SAMD12: variants seen among roughly 807,000 people sequenced by gnomAD.
SAMD12 encodes the protein sterile alpha motif domain containing 12.
Under a neutral mutation model 15.0 loss-of-function variants are expected in SAMD12, and 9 were observed. The observed-to-expected ratio is 0.60, with a 90% CI of 0.36 to 1.05. The LOEUF is 1.05. Ranked by LOEUF, SAMD12 falls within the 50% of genes least tolerant of loss-of-function variation. The pLI, the probability that SAMD12 is intolerant of heterozygous loss-of-function variation, is 0.01. For missense variants in SAMD12, 230 were observed against 234.2 expected, an observed-to-expected ratio of 0.98 and a Z score of 0.12; for synonymous variants, 86 against 90.1, an observed-to-expected ratio of 0.96 and a Z score of 0.25.
intron 4 of SAMD12, among the ~76,000 whole-genome samples, chr8:118,357,921 G>A (rs1038536582): frequency 2.0e-5 from 3 of 152,124 alleles, no homozygotes; most frequent in African/African-American, 7.2e-5. Context: ...CAAGGTGGGA[G>A]GATCCCTTAA....
intron 1 of SAMD12, among the ~76,000 whole-genome samples, chr8:118,607,122 A>G (rs1345997195): frequency 1.3e-5 from 2 of 152,188 alleles, no homozygotes; most frequent in Non-Finnish European, 2.9e-5. Context: ...CCTACCTGGA[A>G]TTAGTTATTG....
At chr8:118,600,796 TA>T (rs1338382838) in intron 1 of SAMD12, among the ~76,000 whole-genome samples, 1 of 152,140 alleles carries the variant, frequency 6.6e-6, no homozygotes, top group Non-Finnish European at 1.5e-5. Flanking sequence ...CTTTTTTTTT[TA>T]GATCTGATTT....
the SAMD12 span, among the ~76,000 whole-genome samples, chr8:118,139,597 A>G: frequency 2.0e-5 from 3 of 152,220 alleles, no homozygotes; most frequent in East Asian, 5.8e-4. Flanking sequence ...GCCTCAAGTG[A>G]TCTTCCTGAC....
chr8:118,556,297 T>A (rs780434279), intron 2 of SAMD12, among the ~76,000 whole-genome samples: 2 of 152,248 alleles, frequency 1.3e-5, no homozygotes, highest in Non-Finnish European at 2.9e-5. Flanking sequence ...ATTCTAGAAC[T>A]GAAAATGCCA....
intron 2 of SAMD12, among the ~76,000 whole-genome samples, chr8:118,519,089 A>G (rs1825321952): frequency 6.6e-6 from 1 of 152,194 alleles, no homozygotes; most frequent in Non-Finnish European, 1.5e-5. Flanking sequence ...GAGCAGCCTG[A>G]TTTATACTGA....
chr8:118,224,681 T>C (rs980836995), intron 4 of SAMD12, among the ~76,000 whole-genome samples: 6 of 152,204 alleles, frequency 3.9e-5, no homozygotes, highest in African/African-American at 1.4e-4. Context: ...AAATTTTATA[T>C]GTTCCAAGAA....
chr8:118,474,600 TGG>T (rs1823902848), intron 2 of SAMD12, among the ~76,000 whole-genome samples: 1 of 152,022 alleles, frequency 6.6e-6, no homozygotes, highest in African/African-American at 2.4e-5. Context: ...TTGGTCAGGC[TGG>T]TCTTGGACTC....
intron 1 of SAMD12, among the ~76,000 whole-genome samples, chr8:118,611,114 C>T (rs1426769474): frequency 6.6e-6 from 1 of 152,148 alleles, no homozygotes; most frequent in Non-Finnish European, 1.5e-5. Flanking sequence ...CCTAAGCTTA[C>T]CCACCCTATT....
chr8:118,550,924 G>A (rs908171179), intron 2 of SAMD12, among the ~76,000 whole-genome samples: 1 of 150,290 alleles, frequency 6.7e-6, no homozygotes, highest in African/African-American at 2.5e-5. Context: ...GATCAAAAGA[G>A]ACAAAGAAGG....
At chr8:118,399,318 A>G (rs1820754475) in intron 3 of SAMD12, among the ~76,000 whole-genome samples, 1 of 152,122 alleles carries the variant, frequency 6.6e-6, no homozygotes, top group Admixed American at 6.6e-5. Flanking sequence ...ATTCCCAGCA[A>G]TAATTAGTTC....
chr8:118,235,285 A>T (rs996554432), intron 4 of SAMD12, among the ~76,000 whole-genome samples: 4 of 151,420 alleles, frequency 2.6e-5, no homozygotes. Flanking sequence ...ATCTCAGCTC[A>T]CTGCAACTTC....
At chr8:118,264,284 G>T (rs756121775) in intron 4 of SAMD12, among the ~76,000 whole-genome samples, 2 of 152,012 alleles carry the variant, frequency 1.3e-5, no homozygotes, top group African/African-American at 4.8e-5. Context: ...CCCACTAAAG[G>T]ATATTCTCAA....
intron 4 of SAMD12, among the ~76,000 whole-genome samples, chr8:118,211,342 C>T (rs577800430): frequency 1.3e-5 from 2 of 152,360 alleles, no homozygotes; most frequent in East Asian, 3.9e-4. Flanking sequence ...CAAGCCTCTC[C>T]TCTCCTCTTT....
In SAMD12 at chr8:118,529,186, C is replaced by T. The variant is rs138878748; in HGVS notation, c.192+51529G>A. ...ACTATACCAGGAGTTCAAGTTTTTGCTTCCCTCTTAATCTGTTTCATTTAC... is the reference window on the plus strand; with the variant it reads ...ACTATACCAGGAGTTCAAGTTTTTGTTTCCCTCTTAATCTGTTTCATTTAC... On this transcript the variant is annotated intron_variant, in intron 2 of 3. Coordinates refer to ENST00000314727, the MANE Select transcript of SAMD12 (RefSeq NM_207506.3). Among the ~76,000 whole-genome samples, 450 of 152,232 alleles carry T rather than the reference C, an allele frequency of 3.0e-3. 3 individuals are homozygous for T. The highest frequency in any genetic ancestry group is 0.01 in the African/African-American group (428 of 41,542).
intron 2 of SAMD12, among the ~76,000 whole-genome samples, chr8:118,551,504 A>T (rs969682137): frequency 1.1e-4 from 16 of 152,094 alleles, no homozygotes; most frequent in Non-Finnish European, 2.1e-4. Context: ...ACATACCAGA[A>T]TCTCTGGGAC....
intron 4 of SAMD12, among the ~76,000 whole-genome samples, chr8:118,307,221 A>G (rs1446787252): frequency 6.6e-6 from 1 of 152,178 alleles, no homozygotes; most frequent in Non-Finnish European, 1.5e-5. Context: ...AATCTCACCT[A>G]TACTTTATTC....
chr8:118,441,459 T>TC (rs1822761195), intron 2 of SAMD12, among the ~76,000 whole-genome samples: 1 of 151,634 alleles, frequency 6.6e-6, no homozygotes, highest in Admixed American at 6.6e-5. Flanking sequence ...TCAGGTGTTT[T>TC]TTTTTTATTC....
chr8:118,579,227 T>C (rs1827223689), intron 2 of SAMD12, among the ~76,000 whole-genome samples: 1 of 152,156 alleles, frequency 6.6e-6, no homozygotes, highest in African/African-American at 2.4e-5. Context: ...TTTTTAATAT[T>C]TTAGGCATCC....
intron 3 of SAMD12, among the ~76,000 whole-genome samples, chr8:118,426,941 A>C (rs1216573446): frequency 2.6e-5 from 4 of 152,198 alleles, no homozygotes; most frequent in Non-Finnish European, 5.9e-5. Context: ...CTGCAATTTA[A>C]CTTGTCTATG....
Sources: gnomAD v4.1 joint callset for allele counts (sites outside exome capture counted in the v4.1 genomes callset) on GRCh38, gnomAD v4.1.1 for gene constraint, MANE v1.5 for transcripts, NCBI Gene and HGNC (gene_info 2026-07-23, HGNC 2026-07-21) for gene names.